Variants in PTPRD observed in about 807,000 individuals in gnomAD.
PTPRD encodes the protein receptor-type tyrosine-protein phosphatase delta.
In PTPRD, 34 loss-of-function variants were observed where a neutral mutation model predicts 214.5. The ratio of observed to expected loss-of-function variants is 0.16; its 90% confidence interval spans 0.12 to 0.21. The LOEUF (loss-of-function observed/expected upper bound fraction) is 0.21, where lower values mean the gene tolerates loss of function less well. PTPRD is among the 10% of genes least tolerant of loss of function. The pLI is 1.00. For missense variants in PTPRD, 2,545 were observed against 2,398.7 expected (o/e 1.06, Z -1.27); for synonymous variants, 1,128 against 845.7 (o/e 1.33, Z -5.79).
intron 5 of PTPRD, among the ~76,000 whole-genome samples, chr9:9,855,705 G>T (rs1354066651): frequency 2.6e-5 from 4 of 152,218 alleles, no homozygotes; most frequent in African/African-American, 9.6e-5. Flanking sequence ...CAACACGCAG[G>T]AGAGTGGGTG....
At chr9:10,558,128 C>G (rs1327598759) in intron 2 of PTPRD, among the ~76,000 whole-genome samples, 1 of 152,122 alleles carries the variant, frequency 6.6e-6, no homozygotes, top group Non-Finnish European at 1.5e-5. Context: ...GGCTAATATG[C>G]TGAAAGAGTG....
intron 7 of PTPRD, among the ~76,000 whole-genome samples, chr9:9,596,820 C>A (rs1405409756): frequency 6.6e-6 from 1 of 151,956 alleles, no homozygotes; most frequent in Admixed American, 6.6e-5. Flanking sequence ...AAAACACAAT[C>A]TGCCCTCAAC....
chr9:10,205,025 G>A (rs1194068594), intron 3 of PTPRD, among the ~76,000 whole-genome samples: 5 of 132,110 alleles, frequency 3.8e-5, no homozygotes, highest in African/African-American at 1.4e-4. Context: ...TTTTTAACAA[G>A]CTCTGCAAAA....
chr9:10,171,471 T>A (rs2099205387), intron 3 of PTPRD, among the ~76,000 whole-genome samples: 1 of 152,178 alleles, frequency 6.6e-6, no homozygotes, highest in South Asian at 2.1e-4. Flanking sequence ...CACGTAGAAC[T>A]GTGGCTTAAA....
chr9:10,598,395 G>A (rs1348875865), intron 2 of PTPRD, among the ~76,000 whole-genome samples: 6 of 151,652 alleles, frequency 4.0e-5, no homozygotes, highest in Non-Finnish European at 8.9e-5. Flanking sequence ...TGCAGATACA[G>A]CAGCATGGAA....
chr9:10,188,935 C>T (rs1212222588), intron 3 of PTPRD, among the ~76,000 whole-genome samples: 1 of 152,064 alleles, frequency 6.6e-6, no homozygotes, highest in Non-Finnish European at 1.5e-5. Context: ...TGCCTGGGGT[C>T]ACTCAGTCTG....
chr9:9,218,541 T>G (rs1388160863), intron 9 of PTPRD, among the ~76,000 whole-genome samples: 2 of 152,138 alleles, frequency 1.3e-5, no homozygotes, highest in Non-Finnish European at 2.9e-5. Context: ...AGGACACTGG[T>G]GTTTTTACTC....
chr9:8,429,815 C>T (rs554576755), intron 35 of PTPRD, among the ~76,000 whole-genome samples: 3 of 152,128 alleles, frequency 2.0e-5, no homozygotes, highest in African/African-American at 7.2e-5. Context: ...ATCAAAGAGG[C>T]CTTCTTCAGG....
chr9:8,768,193 G>A (rs1180757717), intron 11 of PTPRD, among the ~76,000 whole-genome samples: 1 of 152,134 alleles, frequency 6.6e-6, no homozygotes, highest in Non-Finnish European at 1.5e-5. Context: ...CCAGGAGTTT[G>A]AAACCACCCT....
intron 10 of PTPRD, among the ~76,000 whole-genome samples, chr9:9,072,280 T>TACACAC (rs201508445): frequency 0.057 from 7,770 of 135,620 alleles, 264 homozygotes; most frequent in Non-Finnish European, 0.07. Flanking sequence ...GCTGGCAACT[T>TACACAC]ACACACACAC....
chr9:9,262,417 G>T (rs2099980543), intron 9 of PTPRD, among the ~76,000 whole-genome samples: 2 of 150,640 alleles, frequency 1.3e-5, no homozygotes, highest in Non-Finnish European at 3.0e-5. Context: ...AATCTTCCTG[G>T]TGTTTATTTT....
intron 5 of PTPRD, among the ~76,000 whole-genome samples, chr9:9,859,991 C>T (rs1022801536): frequency 6.6e-6 from 1 of 152,164 alleles, no homozygotes; most frequent in Non-Finnish European, 1.5e-5. Context: ...ACAACAACAA[C>T]AAACTCCTCT....
intron 10 of PTPRD, among the ~76,000 whole-genome samples, chr9:9,063,006 T>C (rs2154402466): frequency 6.6e-6 from 1 of 152,292 alleles, no homozygotes; most frequent in South Asian, 2.1e-4. Flanking sequence ...GGGCTAAACA[T>C]GGTCATTCTT....
chr9:9,161,771 T>C lies in PTPRD; in HGVS notation c.-143+21533A>G, dbSNP rs1180254296. On this transcript the variant is annotated intron_variant, in intron 10 of 45. Transcript: ENST00000381196. ...TTAGATAAATACATACATACTTGTG[T>C]ATCATACTATATTTTTATCTCTAAA... is the stretch of plus-strand genomic sequence containing the variant. Among the ~76,000 whole-genome samples, 3 of 152,248 alleles carry C rather than the reference T, an allele frequency of 2.0e-5. No individual in the cohort carries two copies. In the East Asian group the frequency reaches 5.8e-4, roughly 29 times the overall value.
chr9:9,842,874 A>G (rs923539005), intron 5 of PTPRD, among the ~76,000 whole-genome samples: 2 of 152,068 alleles, frequency 1.3e-5, no homozygotes, highest in African/African-American at 4.8e-5. Context: ...TAATTAGAAC[A>G]GTAGTACTTG....
At position 10,410,301 on chromosome 9, in the gene PTPRD, A is replaced by G. The variant is rs543654656; in HGVS notation, c.-599-69284T>C. Among the ~76,000 whole-genome samples, 7 of 145,688 alleles carry G rather than the reference A, an allele frequency of 4.8e-5. No homozygotes were observed. In the South Asian group the frequency reaches 1.5e-3, roughly 31 times the overall value. ...CACACACACAATATATAATATATAT[A>G]ATATATATATAAAACATAAATTTAT... On this transcript the variant is annotated intron_variant, in intron 2 of 45. Transcript: ENST00000381196.
At chr9:10,350,154 T>G (rs1160636345) in intron 2 of PTPRD, among the ~76,000 whole-genome samples, 2 of 152,150 alleles carry the variant, frequency 1.3e-5, no homozygotes, top group Admixed American at 1.3e-4. Flanking sequence ...ATGTTTTTTT[T>G]TCTTCTCAGC....
intron 34 of PTPRD, among the ~76,000 whole-genome samples, chr9:8,444,017 TA>T (rs1399566790): frequency 1.3e-5 from 2 of 152,182 alleles, no homozygotes; most frequent in Admixed American, 1.3e-4. Context: ...AAAGGATTTT[TA>T]CAGTATTTTG....
At chr9:9,542,654 A>C (rs1355596453) in intron 8 of PTPRD, among the ~76,000 whole-genome samples, 1 of 151,732 alleles carries the variant, frequency 6.6e-6, no homozygotes, top group Admixed American at 6.6e-5. Flanking sequence ...CTGAGAGAAA[A>C]AGAATAGGCA....
Sources: allele counts gnomAD v4.1 joint callset (sites outside exome capture counted in the v4.1 genomes callset), GRCh38; gene constraint gnomAD v4.1.1; transcripts MANE v1.5; gene names NCBI Gene and HGNC (gene_info 2026-07-23, HGNC 2026-07-21).